UNC5D: variants seen among roughly 807,000 people sequenced by gnomAD.
UNC5D encodes netrin receptor UNC5D.
In UNC5D, 39 loss-of-function variants were observed where a neutral mutation model predicts 105.4. The observed-to-expected ratio is 0.37, with a 90% CI of 0.29 to 0.48. UNC5D has a LOEUF of 0.48. Ranked by LOEUF, UNC5D falls within the 20% of genes least tolerant of loss-of-function variation. UNC5D has a pLI of 0.98. For missense variants in UNC5D, 991 were observed against 1,202.4 expected (o/e 0.82, Z 2.60); for synonymous variants, 452 against 450.4 (o/e 1.00, Z -0.04).
intron 1 of UNC5D, among the ~76,000 whole-genome samples, chr8:35,297,137 G>T (rs1807551788): frequency 6.6e-6 from 1 of 152,142 alleles, no homozygotes; most frequent in African/African-American, 2.4e-5. Context: ...CTAACGTGGT[G>T]AAGTGTGTTT....
intron 9 of UNC5D, chr8:35,724,300 C>T (rs1226326290): frequency 6.5e-7 from 1 of 1,534,860 alleles, no homozygotes; most frequent in Non-Finnish European, 8.7e-7. Flanking sequence ...TTGGTAAATG[C>T]CACTCTCCCT....
At chr8:35,453,598 A>C (rs1020207188) in intron 1 of UNC5D, among the ~76,000 whole-genome samples, 1 of 152,188 alleles carries the variant, frequency 6.6e-6, no homozygotes, top group African/African-American at 2.4e-5. Flanking sequence ...TATCCTGGGA[A>C]CAGGGAAAAG....
intron 7 of UNC5D, among the ~76,000 whole-genome samples, chr8:35,687,406 C>A (rs962943278): frequency 6.9e-6 from 1 of 144,638 alleles, no homozygotes; most frequent in African/African-American, 2.6e-5. Flanking sequence ...TGTGCCACTG[C>A]ACTCCAGCCT....
chr8:35,702,791 T>G (rs991648833), intron 7 of UNC5D, among the ~76,000 whole-genome samples: 2 of 152,172 alleles, frequency 1.3e-5, no homozygotes, highest in African/African-American at 4.8e-5. Flanking sequence ...GAATCCAATT[T>G]TGATGCTGAT....
At chr8:35,389,477 G>A (rs1179716727) in intron 1 of UNC5D, among the ~76,000 whole-genome samples, 1 of 151,994 alleles carries the variant, frequency 6.6e-6, no homozygotes. Context: ...CTTTTGTTTG[G>A]AAAACAATAC....
rs1815939385 is a variant in UNC5D, at chr8:35,549,435, A to T, written c.247A>T (p.Ile83Leu). 1 of 1,613,028 alleles carries T rather than the reference A, an allele frequency of 6.2e-7. No individual in the cohort carries two copies. The highest frequency in any genetic ancestry group is 1.3e-5 in the African/African-American group (1 of 74,910). Residue 83 changes from isoleucine (I) to leucine (L), a missense_variant, in exon 2 of 17, where the codon ATA becomes TTA. Ile to Leu is a conservative substitution (Grantham distance 5). This residue lies in a region of UNC5D where 944 missense variants were observed against 1,131.6 expected (regional missense o/e 0.83). Transcript: ENST00000404895. ...LRCKARPAMQ[I>L]FFKCNGEWVH... ...GTGCAAAGCGAGGCCAGCCATGCAG[A>T]TATTCTTCAAATGCAACGGCGAGTG... is the stretch of plus-strand genomic sequence containing the variant.
intron 4 of UNC5D, among the ~76,000 whole-genome samples, chr8:35,648,407 G>A (rs1405387682): frequency 6.6e-6 from 1 of 152,084 alleles, no homozygotes; most frequent in Non-Finnish European, 1.5e-5. Flanking sequence ...GGCAGTACGT[G>A]GTGGCTTATG....
chr8:35,402,266 A>G (rs1331284038), intron 1 of UNC5D, among the ~76,000 whole-genome samples: 1 of 152,160 alleles, frequency 6.6e-6, no homozygotes, highest in East Asian at 1.9e-4. Context: ...AAGAGGTTTA[A>G]TGAACTCACA....
At position 35,627,074 on chromosome 8, in the gene UNC5D, G is replaced by A. The variant is rs541631024; in HGVS notation, c.570+31417G>A. ...CCATCTACTAAGAAATGGTTAAAAA[G>A]GCAACAATTTCATTAATTTTGCTAA... On this transcript the variant is annotated intron_variant, in intron 4 of 16. Coordinates refer to ENST00000404895, the MANE Select transcript of UNC5D (RefSeq NM_080872.4). Among the ~76,000 whole-genome samples, 10 of 152,218 alleles carry A rather than the reference G, an allele frequency of 6.6e-5. 1 individual carries two copies. In the South Asian group the frequency reaches 1.9e-3, roughly 28 times the overall value.
intron 1 of UNC5D, among the ~76,000 whole-genome samples, chr8:35,495,455 CAACAAAAAA>C (rs1485659482): frequency 0.017 from 556 of 32,342 alleles, 4 homozygotes; most frequent in African/African-American, 0.052. Context: ...ACAACAACAA[CAACAAAAAA>C]AAAAAAAAAA....
chr8:35,486,447 G>A (rs940633115), intron 1 of UNC5D, among the ~76,000 whole-genome samples: 3 of 152,154 alleles, frequency 2.0e-5, no homozygotes, highest in Non-Finnish European at 2.9e-5. Context: ...TCTGAAAAAT[G>A]TTAAAATGAT....
At chr8:35,789,136 ACT>A (rs1491394033) in intron 16 of UNC5D, among the ~76,000 whole-genome samples, 1 of 44,798 alleles carries the variant, frequency 2.2e-5, no homozygotes, top group African/African-American at 6.1e-5. Flanking sequence ...GGGAGAAAAG[ACT>A]ATATATATAT....
intron 2 of UNC5D, among the ~76,000 whole-genome samples, chr8:35,564,601 CAAAT>C (rs1200387699): frequency 3.3e-5 from 5 of 152,176 alleles, no homozygotes; most frequent in Non-Finnish European, 5.9e-5. Context: ...TCCTAACAAA[CAAAT>C]AAATTAATGG....
intron 1 of UNC5D, among the ~76,000 whole-genome samples, chr8:35,423,526 A>G (rs1806046928): frequency 6.6e-6 from 1 of 152,192 alleles, no homozygotes; most frequent in African/African-American, 2.4e-5. Context: ...GTTGATTTGT[A>G]GACACTTGTG....
chr8:35,667,793 T>C (rs1363029166), intron 4 of UNC5D, among the ~76,000 whole-genome samples: 1 of 152,206 alleles, frequency 6.6e-6, no homozygotes, highest in African/African-American at 2.4e-5. Context: ...GAAAGGCATA[T>C]TTTTTGATGG....
intron 1 of UNC5D, among the ~76,000 whole-genome samples, chr8:35,452,396 C>T (rs893219903): frequency 1.3e-5 from 2 of 152,126 alleles, no homozygotes; most frequent in Admixed American, 1.3e-4. Context: ...TCCTGAGTGG[C>T]TGGAACTACA....
rs1181301767 is a variant in UNC5D at position 35,512,567 on chromosome 8, A to ATC, written c.104-36724_104-36723insCT. On this transcript the variant is annotated intron_variant, in intron 1 of 16. Transcript: ENST00000404895. ...TATATATATATATATATATATATAT[A>ATC]TATCTGAATAGATTACTAAATGGAG... Among the ~76,000 whole-genome samples the ATC allele has an allele frequency of 6.3e-4, 59 of 93,172 alleles. 3 individuals carry two copies. The highest frequency in any genetic ancestry group is 1.2e-3 in the East Asian group (4 of 3,284). The allele number at this position is 93,172 out of a possible 152,430, so 61.1% of individuals were successfully genotyped here.
At chr8:35,771,334 A>G (rs1802003294) in intron 15 of UNC5D, among the ~76,000 whole-genome samples, 1 of 152,152 alleles carries the variant, frequency 6.6e-6, no homozygotes, top group Non-Finnish European at 1.5e-5. Context: ...ATCCTTTAGC[A>G]TGGACACTTC....
Position 35,357,845 on chromosome 8 carries a change from A to G in UNC5D, c.103+121958A>G, listed in dbSNP as rs1018933276. 4.6e-5 allele frequency among the ~76,000 whole-genome samples: 7 copies of G among 152,212 alleles called. No individual in the cohort carries two copies. The South Asian group carries it at 1.0e-3, about 23-fold the overall frequency. On this transcript the variant is annotated intron_variant, in intron 1 of 16. Transcript: ENST00000404895. Reference sequence around the variant, plus strand: ...TTTCATTGAGAACATGCTTTTGCTGACTAGAAGCTATCAAGCTTCCTTCCT... The same window carrying G: ...TTTCATTGAGAACATGCTTTTGCTGGCTAGAAGCTATCAAGCTTCCTTCCT...
Sources: gnomAD v4.1 joint callset for allele counts (sites outside exome capture counted in the v4.1 genomes callset) on GRCh38, gnomAD v4.1.1 for gene constraint, gnomAD v4.1.1 regional missense constraint, MANE v1.5 for transcripts, NCBI Gene and HGNC (gene_info 2026-07-23, HGNC 2026-07-21) for gene names.